DLG2: variants seen among roughly 807,000 people sequenced by gnomAD.
DLG2 encodes disks large homolog 2.
DLG2 carries 45 observed loss-of-function variants against 132.5 expected under a neutral mutation model. The ratio of observed to expected loss-of-function variants is 0.34; its 90% CI spans 0.27 to 0.44. DLG2 has a LOEUF of 0.44. DLG2 is among the 20% of genes least tolerant of loss of function. DLG2 has a pLI of 1.00. For synonymous variants in DLG2, 424 were observed against 419.6 expected (o/e 1.01, Z -0.13); for missense variants, 1,045 against 1,196.9 (o/e 0.87, Z 1.87).
At chr11:85,273,286 G>A (rs1247722929) in intron 4 of DLG2, among the ~76,000 whole-genome samples, 1 of 152,090 alleles carries the variant, frequency 6.6e-6, no homozygotes, top group Non-Finnish European at 1.5e-5. Flanking sequence ...CTTCTGCACA[G>A]CAAAAGAAAC....
At chr11:85,624,498 T>C (rs1214190164) in intron 2 of DLG2, among the ~76,000 whole-genome samples, 1 of 152,068 alleles carries the variant, frequency 6.6e-6, no homozygotes, top group Non-Finnish European at 1.5e-5. Context: ...CATGAAACAA[T>C]GAAGAGAGAA....
At chr11:84,964,724 G>T (rs879878299) in intron 6 of DLG2, among the ~76,000 whole-genome samples, 1 of 151,976 alleles carries the variant, frequency 6.6e-6, no homozygotes, top group African/African-American at 2.4e-5. Flanking sequence ...AGTTTATGTG[G>T]GGTAAGCAAA....
chr11:85,397,401 A>G (rs907297857), intron 3 of DLG2, among the ~76,000 whole-genome samples: 1 of 152,230 alleles, frequency 6.6e-6, no homozygotes. Flanking sequence ...TAACATCATA[A>G]TGACAAGATC....
intron 6 of DLG2, among the ~76,000 whole-genome samples, chr11:85,055,110 G>A (rs184773936): frequency 1.1e-4 from 17 of 152,290 alleles, no homozygotes; most frequent in Admixed American, 1.1e-3. Context: ...TCATTAATTA[G>A]ATGAATGAGT....
At chr11:84,919,908 G>A (rs1435828382) in intron 6 of DLG2, among the ~76,000 whole-genome samples, 1 of 152,100 alleles carries the variant, frequency 6.6e-6, no homozygotes, top group African/African-American at 2.4e-5. Context: ...CTTCTTTTTA[G>A]TGAGTAGACT....
intron 6 of DLG2, among the ~76,000 whole-genome samples, chr11:84,595,778 A>G (rs1199481908): frequency 6.6e-6 from 1 of 152,254 alleles, no homozygotes; most frequent in African/African-American, 2.4e-5. Context: ...TCACAAAATC[A>G]TCCAAATACT....
intron 4 of DLG2, among the ~76,000 whole-genome samples, chr11:85,176,302 T>C (rs1445127647): frequency 2.6e-5 from 4 of 152,004 alleles, no homozygotes; most frequent in Non-Finnish European, 4.4e-5. Flanking sequence ...AACTCAGAAA[T>C]AAGACGGCAC....
At chr11:85,467,863 T>C (rs1192495051) in intron 3 of DLG2, among the ~76,000 whole-genome samples, 1 of 152,240 alleles carries the variant, frequency 6.6e-6, no homozygotes. Context: ...TTCTACTCAT[T>C]GGAATAATTT....
intron 4 of DLG2, among the ~76,000 whole-genome samples, chr11:85,228,982 C>A (rs573696744): frequency 4.6e-5 from 7 of 150,956 alleles, no homozygotes; most frequent in East Asian, 1.9e-4. Context: ...TTTTCCTATA[C>A]CTTTTTTTGT....
At chr11:84,436,906 C>G (rs1398778757) in intron 7 of DLG2, among the ~76,000 whole-genome samples, 1 of 152,170 alleles carries the variant, frequency 6.6e-6, no homozygotes, top group African/African-American at 2.4e-5. Context: ...AGAGTCTGGT[C>G]AACGTTACTG....
At chr11:84,831,606 A>G (rs2079062077) in intron 6 of DLG2, among the ~76,000 whole-genome samples, 1 of 151,556 alleles carries the variant, frequency 6.6e-6, no homozygotes, top group South Asian at 2.1e-4. Context: ...GCAAAAGATA[A>G]CTTTCTCCCT....
chr11:83,960,636 ATTTT>A (rs34317339), intron 14 of DLG2, among the ~76,000 whole-genome samples: 2 of 146,034 alleles, frequency 1.4e-5, no homozygotes, highest in South Asian at 2.2e-4. Context: ...TGATTTACAC[ATTTT>A]TTTTTTTTGC....
At chr11:84,558,881 A>G (rs879615846) in intron 6 of DLG2, among the ~76,000 whole-genome samples, 1 of 152,114 alleles carries the variant, frequency 6.6e-6, no homozygotes, top group Admixed American at 6.6e-5. Context: ...TACTCTTCCA[A>G]AGACTTCAGG....
chr11:83,649,085 C>T (rs560476154), intron 18 of DLG2, among the ~76,000 whole-genome samples: 26 of 152,066 alleles, frequency 1.7e-4, no homozygotes, highest in African/African-American at 5.1e-4. Context: ...AGGCACAACA[C>T]GGGGTTGGGG....
intron 4 of DLG2, among the ~76,000 whole-genome samples, chr11:85,266,027 C>T (rs1280107908): frequency 6.6e-6 from 1 of 152,230 alleles, no homozygotes; most frequent in Non-Finnish European, 1.5e-5. Flanking sequence ...CACACTGGCC[C>T]TTTGCTCTCA....
intron 7 of DLG2, among the ~76,000 whole-genome samples, chr11:84,476,886 C>T (rs2099123078): frequency 6.6e-6 from 1 of 152,148 alleles, no homozygotes. Flanking sequence ...GACATATCAT[C>T]CCTGCTGTGT....
chr11:84,704,884 CACATTATGTATATATACACATATATAT>C (rs1222752541), intron 6 of DLG2, among the ~76,000 whole-genome samples: 2 of 148,976 alleles, frequency 1.3e-5, no homozygotes, highest in Admixed American at 6.7e-5. Context: ...CATATATATA[CACATTATGTATATATACACATATATAT>C]ACATTATGTA....
chr11:85,121,976 A>ATGTG (rs1054393234), intron 5 of DLG2, among the ~76,000 whole-genome samples: 13 of 152,082 alleles, frequency 8.5e-5, no homozygotes, highest in Non-Finnish European at 1.0e-4. Context: ...GTATGTATGT[A>ATGTG]TGTGTGTGTG....
chr11:85,046,485 A>G (rs2062359507), intron 6 of DLG2, among the ~76,000 whole-genome samples: 2 of 151,926 alleles, frequency 1.3e-5, no homozygotes, highest in African/African-American at 4.8e-5. Context: ...TACCCTGATT[A>G]CTGAATTTTA....
Sources: gnomAD v4.1 joint callset for allele counts (sites outside exome capture counted in the v4.1 genomes callset) on GRCh38, gnomAD v4.1.1 for gene constraint, MANE v1.5 for transcripts, NCBI Gene and HGNC (gene_info 2026-07-23, HGNC 2026-07-21) for gene names.